Variants in CLVS1 observed in about 807,000 individuals in gnomAD.
The protein encoded by CLVS1 is clavesin-1.
Under a neutral mutation model 33.1 loss-of-function variants are expected in CLVS1, and 10 were observed. The ratio of observed to expected loss-of-function variants is 0.30; its 90% CI spans 0.19 to 0.51. CLVS1 has a LOEUF of 0.51. Among genes scored for constraint, CLVS1 ranks in the 20% least tolerant of loss-of-function variants. The probability of loss-of-function intolerance (pLI) is 0.97; values close to 1 mark genes in which losing one functional copy is unlikely to be tolerated. For synonymous variants in CLVS1, 163 were observed against 166.1 expected (o/e 0.98, Z 0.14); for missense variants, 343 against 433.4 (o/e 0.79, Z 1.85).
At chr8:61,201,144 A>C (rs1297454520) in intron 2 of CLVS1, among the ~76,000 whole-genome samples, 1 of 152,230 alleles carries the variant, frequency 6.6e-6, no homozygotes, top group African/African-American at 2.4e-5. Flanking sequence ...TAATTTTGAT[A>C]AATCAAACAA....
intron 2 of CLVS1, among the ~76,000 whole-genome samples, chr8:61,162,718 A>G (rs553038885): frequency 3.3e-5 from 5 of 152,246 alleles, no homozygotes; most frequent in African/African-American, 1.2e-4. Flanking sequence ...CTTTGTCTCT[A>G]TCTTTCTGTG....
intron 2 of CLVS1, among the ~76,000 whole-genome samples, chr8:61,250,549 G>C (rs1232855379): frequency 1.3e-5 from 2 of 152,164 alleles, no homozygotes; most frequent in Non-Finnish European, 2.9e-5. Context: ...TCATCCATGA[G>C]CATGGAATGT....
At chr8:61,269,055 C>T (rs1809375204) in intron 2 of CLVS1, among the ~76,000 whole-genome samples, 1 of 148,214 alleles carries the variant, frequency 6.7e-6, no homozygotes, top group Non-Finnish European at 1.5e-5. Context: ...TCTTTTGTTG[C>T]CATTGCTTTT....
At chr8:61,221,960 G>A (rs1425499941) in intron 2 of CLVS1, among the ~76,000 whole-genome samples, 1 of 152,094 alleles carries the variant, frequency 6.6e-6, no homozygotes, top group Non-Finnish European at 1.5e-5. Context: ...AGGTTTTCTA[G>A]TTTATTTGCG....
chr8:60,998,783 G>A, the CLVS1 span, among the ~76,000 whole-genome samples: 4 of 152,212 alleles, frequency 2.6e-5, no homozygotes, highest in Non-Finnish European at 2.9e-5. Context: ...CCCTGCACCT[G>A]TAGTAGAGGT....
intron 2 of CLVS1, among the ~76,000 whole-genome samples, chr8:61,373,146 T>C (rs1813506193): frequency 6.6e-6 from 1 of 152,120 alleles, no homozygotes; most frequent in African/African-American, 2.4e-5. Context: ...AAGGGTGTTA[T>C]AAAAAGCGAA....
Position 61,348,481 on chromosome 8 carries a change from A to T in CLVS1, c.456-28124A>T, listed in dbSNP as rs559104357. On this transcript the variant is annotated intron_variant, in intron 2 of 5. Coordinates refer to ENST00000325897, the MANE Select transcript of CLVS1 (RefSeq NM_173519.3). ...TGTACCCTAGAACTTAAAGTATAAT[A>T]AAAAATAATAATAATAATAACTTAT... Among the ~76,000 whole-genome samples the T allele has an allele frequency of 3.3e-5, 5 of 152,240 alleles. No homozygotes were observed. The East Asian group carries it at 9.6e-4, about 29-fold the overall frequency.
the CLVS1 span, among the ~76,000 whole-genome samples, chr8:60,982,261 T>C: frequency 6.6e-6 from 1 of 152,260 alleles, no homozygotes; most frequent in African/African-American, 2.4e-5. Flanking sequence ...AGAGGCTTTC[T>C]GAACACTAAT....
the CLVS1 span, among the ~76,000 whole-genome samples, chr8:60,987,147 G>A: frequency 6.6e-6 from 1 of 152,216 alleles, no homozygotes; most frequent in African/African-American, 2.4e-5. Context: ...CGTGATGAGC[G>A]CTGTGATAGG....
chr8:61,168,228 G>T (rs4737578), intron 2 of CLVS1, among the ~76,000 whole-genome samples: 1 of 152,092 alleles, frequency 6.6e-6, no homozygotes, highest in Non-Finnish European at 1.5e-5. Flanking sequence ...TTGGGGTCTT[G>T]TTTCTTCTTC....
chr8:61,457,761 A>AAAAAC (rs1393014921), intron 4 of CLVS1, among the ~76,000 whole-genome samples: 18 of 152,204 alleles, frequency 1.2e-4, no homozygotes, highest in African/African-American at 4.1e-4. Context: ...AACATATCAG[A>AAAAAC]AAAACAAACA....
chr8:61,431,630 C>A (rs759376330), intron 3 of CLVS1, among the ~76,000 whole-genome samples: 5 of 151,986 alleles, frequency 3.3e-5, no homozygotes, highest in Non-Finnish European at 5.9e-5. Context: ...TTCTTTCATT[C>A]TTTTTTATTC....
intron 2 of CLVS1, among the ~76,000 whole-genome samples, chr8:61,137,862 GTGTA>G (rs551491160): frequency 2.3e-4 from 35 of 152,318 alleles, no homozygotes; most frequent in African/African-American, 8.4e-4. Flanking sequence ...CTGCTGGCAG[GTGTA>G]TGGAGAAGGT....
intron 2 of CLVS1, among the ~76,000 whole-genome samples, chr8:61,238,726 A>T (rs1808624734): frequency 6.6e-6 from 1 of 152,156 alleles, no homozygotes; most frequent in Non-Finnish European, 1.5e-5. Flanking sequence ...ACTGTGTGCA[A>T]TTTTTCGTGC....
intron 2 of CLVS1, among the ~76,000 whole-genome samples, chr8:61,355,601 T>C (rs1812667114): frequency 2.0e-5 from 3 of 152,242 alleles, no homozygotes; most frequent in South Asian, 2.1e-4. Flanking sequence ...AGCCTGATGT[T>C]CCCTTTCCTG....
chr8:61,159,368 A>C (rs1320077103), intron 2 of CLVS1, among the ~76,000 whole-genome samples: 1 of 152,194 alleles, frequency 6.6e-6, no homozygotes, highest in Admixed American at 6.5e-5. Flanking sequence ...TGGGGCTGGC[A>C]TGATTTAGGA....
At chr8:61,378,381 G>T (rs1195580609) in intron 3 of CLVS1, 1 of 152,098 alleles carries the variant, frequency 6.6e-6, no homozygotes, top group Non-Finnish European at 1.5e-5. Context: ...AACCTACTGA[G>T]ATCTTACTGA....
intron 2 of CLVS1, among the ~76,000 whole-genome samples, chr8:61,354,663 A>G (rs1385069255): frequency 2.0e-5 from 3 of 152,210 alleles, no homozygotes; most frequent in Admixed American, 2.0e-4. Context: ...GGAATGAACT[A>G]TTTATATATG....
intron 3 of CLVS1, among the ~76,000 whole-genome samples, chr8:61,439,267 T>C (rs966369321): frequency 2.6e-5 from 4 of 152,250 alleles, no homozygotes; most frequent in African/African-American, 9.6e-5. Context: ...GCAATCATCA[T>C]CTGTTAACCA....
Sources: allele counts gnomAD v4.1 joint callset (sites outside exome capture counted in the v4.1 genomes callset), GRCh38; gene constraint gnomAD v4.1.1; transcripts MANE v1.5; gene names NCBI Gene and HGNC (gene_info 2026-07-23, HGNC 2026-07-21).